Variants in GLIS1 observed in about 807,000 individuals in gnomAD.
The protein encoded by GLIS1 is zinc finger protein GLIS1.
In GLIS1, 24 loss-of-function variants were observed where a neutral mutation model predicts 63.8. The observed-to-expected ratio is 0.38, with a 90% CI of 0.27 to 0.53. The LOEUF (loss-of-function observed/expected upper bound fraction) is 0.53. Ranked by LOEUF, GLIS1 falls within the 20% of genes least tolerant of loss-of-function variation. GLIS1 has a pLI of 0.85. For synonymous variants in GLIS1, 450 were observed against 482.5 expected (o/e 0.93, Z 0.88); for missense variants, 1,036 against 1,074.1 (o/e 0.96, Z 0.50).
At chr1:53,692,267 T>A (rs1245427801) in intron 2 of GLIS1, among the ~76,000 whole-genome samples, 1 of 152,204 alleles carries the variant, frequency 6.6e-6, no homozygotes, top group Non-Finnish European at 1.5e-5. Flanking sequence ...AGATTCAGCA[T>A]CCTGGAGCTC....
At position 53,639,952 on chromosome 1, in the gene GLIS1, A is replaced by G. The variant is rs554083863; in HGVS notation, c.260-39674T>C. 6.6e-6 allele frequency among the ~76,000 whole-genome samples: 1 copy of G among 152,330 alleles called. No homozygotes were observed. The highest frequency in any genetic ancestry group is 2.4e-5 in the African/African-American group (1 of 41,576). On this transcript the variant is annotated intron_variant, in intron 2 of 10. Transcript: ENST00000628545. This position sits in a 1 kb window ranked among gnomAD's most constrained non-coding sequence, Gnocchi z 4.6. ...TGAGCCTCAGTTTATACTTCCACAG[A>G]AACAGGGATACTACACTTAACAAAC...
chr1:53,736,185 C>A (rs1158351404), intron 2 of GLIS1, among the ~76,000 whole-genome samples: 1 of 152,188 alleles, frequency 6.6e-6, no homozygotes, highest in Non-Finnish European at 1.5e-5. Flanking sequence ...TCCTCCCATC[C>A]CTTTATTCTC....
chr1:53,550,353 G>T (rs1197104327), intron 4 of GLIS1, among the ~76,000 whole-genome samples: 2 of 152,214 alleles, frequency 1.3e-5, no homozygotes, highest in Non-Finnish European at 2.9e-5. Flanking sequence ...TGGGCTGGAA[G>T]AAGGTAGGGC....
chr1:53,650,221 A>G (rs574272449), intron 2 of GLIS1, among the ~76,000 whole-genome samples: 7 of 152,318 alleles, frequency 4.6e-5, no homozygotes, highest in African/African-American at 1.7e-4. Flanking sequence ...AATGGACCAA[A>G]GGCAGTGACA....
chr1:53,569,264 A>C (rs1644962031), intron 4 of GLIS1, among the ~76,000 whole-genome samples: 1 of 152,196 alleles, frequency 6.6e-6, no homozygotes, highest in Non-Finnish European at 1.5e-5. Flanking sequence ...AGAATGTACA[A>C]TACCAAGAAT....
chr1:53,644,562 A>T (rs1645821910), intron 2 of GLIS1, among the ~76,000 whole-genome samples: 1 of 152,172 alleles, frequency 6.6e-6, no homozygotes. Flanking sequence ...GTTCTTCAAA[A>T]ACAACTGAGT....
At chr1:53,694,821 G>T (rs1359286203) in intron 2 of GLIS1, among the ~76,000 whole-genome samples, 5 of 152,202 alleles carry the variant, frequency 3.3e-5, no homozygotes, top group Non-Finnish European at 7.4e-5. Flanking sequence ...CACTTGGTAA[G>T]CATGAAATGT....
At chr1:53,719,946 C>T (rs1646737163) in intron 2 of GLIS1, among the ~76,000 whole-genome samples, 1 of 152,268 alleles carries the variant, frequency 6.6e-6, no homozygotes, top group Admixed American at 6.5e-5. Flanking sequence ...GAGGCTGGGG[C>T]AGGTGGATCA....
chr1:53,660,940 A>AG (rs1646021355), intron 2 of GLIS1, among the ~76,000 whole-genome samples: 1 of 152,050 alleles, frequency 6.6e-6, no homozygotes, highest in Non-Finnish European at 1.5e-5. Flanking sequence ...CCACAGGGGG[A>AG]GGTGGCCATG....
intron 9 of GLIS1, 81 bp from the exon 10 acceptor site, chr1:53,509,368 C>A: frequency 7.4e-7 from 1 of 1,348,392 alleles, no homozygotes; most frequent in South Asian, 1.4e-5. Flanking sequence ...GCTGCACGCT[C>A]CACCTCCCGT....
intron 2 of GLIS1, among the ~76,000 whole-genome samples, chr1:53,662,839 C>A (rs1160736175): frequency 6.6e-6 from 1 of 152,214 alleles, no homozygotes; most frequent in Non-Finnish European, 1.5e-5. Flanking sequence ...CCAATGTGGG[C>A]TGAGACTGTT....
chr1:53,722,405 T>C (rs1013050320), intron 2 of GLIS1, among the ~76,000 whole-genome samples: 4 of 152,216 alleles, frequency 2.6e-5, no homozygotes, highest in Admixed American at 2.0e-4. Context: ...ACATATTTGT[T>C]TGTATTCACA....
Position 53,526,974 on chromosome 1 carries a change from C to T in GLIS1, c.1483-2087G>A, listed in dbSNP as rs574745401. Among the ~76,000 whole-genome samples, 3 of 152,344 alleles carry T rather than the reference C, an allele frequency of 2.0e-5. No homozygotes were observed. Among genetic ancestry groups the T allele is most frequent in the South Asian group, 2.1e-4 (1 of 4,828 alleles). On this transcript the variant is annotated intron_variant, in intron 5 of 10. Transcript: ENST00000628545. The surrounding 1 kb of genome is among the most constrained non-coding windows in gnomAD (Gnocchi z 4.4). ...GGACGCTCCGGGTGAGTCTGCCGTG[C>T]GGAGCCCCTGCCCGTCTGCACTTGG... is the stretch of plus-strand genomic sequence containing the variant.
intron 4 of GLIS1, among the ~76,000 whole-genome samples, chr1:53,576,996 C>G (rs1333195799): frequency 6.6e-6 from 1 of 152,068 alleles, no homozygotes. Context: ...CACTGCTCAC[C>G]CCACCACACT....
At chr1:53,573,876 T>C (rs557150382) in intron 4 of GLIS1, among the ~76,000 whole-genome samples, 1 of 152,228 alleles carries the variant, frequency 6.6e-6, no homozygotes, top group South Asian at 2.1e-4. Context: ...AGATTTCTCC[T>C]TGGTTGCTCA....
At chr1:53,606,598 C>T (rs1645371809) in intron 2 of GLIS1, among the ~76,000 whole-genome samples, 1 of 152,228 alleles carries the variant, frequency 6.6e-6, no homozygotes, top group Admixed American at 6.5e-5. Flanking sequence ...TTTCCCTCCT[C>T]ACAAAATCCA....
intron 2 of GLIS1, among the ~76,000 whole-genome samples, chr1:53,664,807 G>A (rs926709614): frequency 2.0e-5 from 3 of 152,198 alleles, no homozygotes; most frequent in Non-Finnish European, 4.4e-5. Flanking sequence ...GTGGCTGAGC[G>A]AAGACCTGAA....
At chr1:53,612,316 A>G (rs1218575936) in intron 2 of GLIS1, among the ~76,000 whole-genome samples, 1 of 151,806 alleles carries the variant, frequency 6.6e-6, no homozygotes, top group Non-Finnish European at 1.5e-5. Context: ...CTCGGCTCAC[A>G]GCAAGCTCCG....
At chr1:53,530,924 A>G (rs1481922724) in intron 4 of GLIS1, among the ~76,000 whole-genome samples, 1 of 152,168 alleles carries the variant, frequency 6.6e-6, no homozygotes, top group Non-Finnish European at 1.5e-5. Flanking sequence ...GGAGGAGGGG[A>G]CCAGCGCTGA....
Sources: allele counts gnomAD v4.1 joint callset (sites outside exome capture counted in the v4.1 genomes callset), GRCh38; gene constraint gnomAD v4.1.1; non-coding constraint Gnocchi (gnomAD v3.1); transcripts MANE v1.5; gene names NCBI Gene and HGNC (gene_info 2026-07-23, HGNC 2026-07-21).